Variants in ZNF609 observed in about 807,000 individuals in gnomAD.
The protein encoded by ZNF609 is zinc finger protein 609.
In ZNF609, 11 loss-of-function variants were observed where a neutral mutation model predicts 109.5. That is an observed-to-expected ratio of 0.10 (90% confidence interval 0.06 to 0.17). The LOEUF (loss-of-function observed/expected upper bound fraction) is 0.17, where lower values mean the gene tolerates loss of function less well. Ranked by LOEUF, ZNF609 falls within the 10% of genes least tolerant of loss-of-function variation. ZNF609 has a pLI of 1.00. For missense variants in ZNF609, 1,559 were observed against 1,772.4 expected (o/e 0.88, Z 2.16); for synonymous variants, 646 against 662.0 (o/e 0.98, Z 0.37).
At chr15:64,578,350 C>A (rs912042975) in intron 2 of ZNF609, among the ~76,000 whole-genome samples, 1 of 151,866 alleles carries the variant, frequency 6.6e-6, no homozygotes, top group African/African-American at 2.4e-5. Context: ...GGAGTTGCTC[C>A]CTCTCATTCT....
chr15:64,643,678 G>A (rs1276680777), intron 3 of ZNF609: 1 of 152,154 alleles, frequency 6.6e-6, no homozygotes, highest in Non-Finnish European at 1.5e-5. Context: ...TGGCACCAGT[G>A]TAAAGTGTGT....
chr15:64,583,035 GCCA>G (rs1220997418), intron 2 of ZNF609, among the ~76,000 whole-genome samples: 1 of 150,982 alleles, frequency 6.6e-6, no homozygotes, highest in African/African-American at 2.4e-5. Flanking sequence ...ACAGGCATGA[GCCA>G]CCACGCCGGG....
intron 2 of ZNF609, among the ~76,000 whole-genome samples, chr15:64,521,347 C>A (rs1893888413): frequency 6.6e-6 from 1 of 152,172 alleles, no homozygotes; most frequent in Non-Finnish European, 1.5e-5. Flanking sequence ...GTGGAAGCCT[C>A]TGTAAGTGGA....
intron 2 of ZNF609, among the ~76,000 whole-genome samples, chr15:64,587,550 A>G (rs981118235): frequency 4.6e-5 from 7 of 152,210 alleles, no homozygotes; most frequent in Admixed American, 2.0e-4. Flanking sequence ...TGGCGAGACT[A>G]GTAAAAGTTA....
intron 3 of ZNF609, among the ~76,000 whole-genome samples, chr15:64,628,117 A>T (rs540661604): frequency 8.9e-4 from 135 of 151,248 alleles, no homozygotes; most frequent in African/African-American, 3.0e-3. Flanking sequence ...TACAAAAAAA[A>T]TTTTTTTTAA....
At chr15:64,486,640 C>T (rs1893338824) in intron 1 of ZNF609, among the ~76,000 whole-genome samples, 1 of 151,102 alleles carries the variant, frequency 6.6e-6, no homozygotes, top group African/African-American at 2.4e-5. Flanking sequence ...TTTCAAGACA[C>T]AGTCTTGCTC....
Position 64,595,105 on chromosome 15 carries a change from A to G in ZNF609, c.748-27722A>G, listed in dbSNP as rs369878599. 2.8e-4 allele frequency among the ~76,000 whole-genome samples: 42 copies of G among 151,898 alleles called. No individual in the cohort carries two copies. In the East Asian group the frequency reaches 4.9e-3, roughly 18 times the overall value. On this transcript the variant is annotated intron_variant, in intron 2 of 9. Coordinates refer to ENST00000326648, the MANE Select transcript of ZNF609 (RefSeq NM_015042.2). ...CCGGGCGCGGTGGCTCGTGCCTGTA[A>G]TCTCAGTACTTTGGGAGGCTAAGAC...
At chr15:64,505,150 A>G (rs1893617329) in intron 2 of ZNF609, among the ~76,000 whole-genome samples, 1 of 152,226 alleles carries the variant, frequency 6.6e-6, no homozygotes, top group Non-Finnish European at 1.5e-5. Context: ...AAGAATAACC[A>G]TTACAGCTGG....
rs902025890 is a variant in ZNF609, at chr15:64,564,612, GT to G, written c.748-58205del. Among the ~76,000 whole-genome samples, 429 of 147,008 alleles carry G rather than the reference GT, an allele frequency of 2.9e-3. 2 individuals carry two copies. Among genetic ancestry groups the G allele is most frequent in the African/African-American group, 0.01 (407 of 40,134 alleles). On this transcript the variant is annotated intron_variant, in intron 2 of 9. Transcript: ENST00000326648. ...TTGTGTTGTTTTTGTTTTTTGTGGG[GT>G]TTTTTTTTTGTCATATTCACAAGGG...
At chr15:64,529,631 G>A in intron 2 of ZNF609, 2 of 940,264 alleles carry the variant, frequency 2.1e-6, no homozygotes, top group Non-Finnish European at 3.4e-6. Context: ...CAGGCACCCA[G>A]TACGACCAAA....
At chr15:64,595,360 CAAAAAAAA>C (rs923203042) in intron 2 of ZNF609, among the ~76,000 whole-genome samples, 4 of 76,782 alleles carry the variant, frequency 5.2e-5, no homozygotes, top group African/African-American at 1.8e-4. Flanking sequence ...GATTCCGTCT[CAAAAAAAA>C]AAAAAAAAAA....
At chr15:64,525,104 T>C (rs1034146476) in intron 2 of ZNF609, among the ~76,000 whole-genome samples, 7 of 152,256 alleles carry the variant, frequency 4.6e-5, no homozygotes, top group Admixed American at 3.3e-4. Context: ...CTTATGTGCT[T>C]GTATATCTTC....
chr15:64,630,141 G>A (rs1200228542), intron 3 of ZNF609, among the ~76,000 whole-genome samples: 2 of 138,136 alleles, frequency 1.4e-5, no homozygotes, highest in African/African-American at 2.8e-5. Flanking sequence ...TCTGTTGCCC[G>A]GGGTACAATG....
At chr15:64,530,472 T>C (rs1894043458) in intron 2 of ZNF609, among the ~76,000 whole-genome samples, 1 of 152,228 alleles carries the variant, frequency 6.6e-6, no homozygotes, top group South Asian at 2.1e-4. Context: ...ACGGCTACAA[T>C]ATATTGAACA....
At chr15:64,638,973 C>G (rs1318440417) in intron 3 of ZNF609, among the ~76,000 whole-genome samples, 1 of 151,890 alleles carries the variant, frequency 6.6e-6, no homozygotes, top group Non-Finnish European at 1.5e-5. Context: ...CAAGATGGAG[C>G]TTGGAACCAG....
At chr15:64,630,098 C>CTTTTTTTTT (rs773124227) in intron 3 of ZNF609, among the ~76,000 whole-genome samples, 6 of 136,908 alleles carry the variant, frequency 4.4e-5, no homozygotes, top group African/African-American at 1.1e-4. Flanking sequence ...TTTCTTTTTT[C>CTTTTTTTTT]TTTTTTTTTT....
chr15:64,592,046 A>T (rs1046325685), intron 2 of ZNF609, among the ~76,000 whole-genome samples: 2 of 151,830 alleles, frequency 1.3e-5, no homozygotes, highest in Admixed American at 6.6e-5. Flanking sequence ...CTGTGGTCTC[A>T]GCTACTTGGC....
At chr15:64,584,321 T>TTTTA (rs927321845) in intron 2 of ZNF609, among the ~76,000 whole-genome samples, 1 of 151,982 alleles carries the variant, frequency 6.6e-6, no homozygotes, top group Admixed American at 6.6e-5. Flanking sequence ...ATCTACTTAT[T>TTTTA]TTTATTTATT....
chr15:64,643,960 TG>T lies in ZNF609; in HGVS notation c.973+20910del, dbSNP rs774923677. 4.6e-5 allele frequency among the ~76,000 whole-genome samples: 7 copies of T among 152,024 alleles called. No individual in the cohort carries two copies. The East Asian group carries it at 9.7e-4, about 21-fold the overall frequency. ...AAAAAAAAATTTTTTTTTAATTAGCTGGACATGGTAGTATGTACCTGTAATC... is the reference window on the plus strand; with the variant it reads ...AAAAAAAAATTTTTTTTTAATTAGCTGACATGGTAGTATGTACCTGTAATC... On this transcript the variant is annotated intron_variant, in intron 3 of 9. Coordinates refer to ENST00000326648, the MANE Select transcript of ZNF609 (RefSeq NM_015042.2).
Sources: gnomAD v4.1 joint callset for allele counts (sites outside exome capture counted in the v4.1 genomes callset) on GRCh38, gnomAD v4.1.1 for gene constraint, MANE v1.5 for transcripts, NCBI Gene and HGNC (gene_info 2026-07-23, HGNC 2026-07-21) for gene names.